The following GOLPH3L variants were observed in gnomAD, a reference collection of about 807,000 sequenced individuals.
The protein encoded by GOLPH3L is golgi phosphoprotein 3 like, also known as Golgi phosphoprotein 3-like.
In GOLPH3L, 22 loss-of-function variants were observed where a neutral mutation model predicts 30.3. The observed-to-expected ratio is 0.73, with a 90% confidence interval of 0.52 to 1.04. The LOEUF is 1.04. Among genes scored for constraint, GOLPH3L ranks in the 50% least tolerant of loss-of-function variants. The probability of loss-of-function intolerance (pLI) is 0.00; values close to 1 mark genes in which losing one functional copy is unlikely to be tolerated. For missense variants in GOLPH3L, 303 were observed against 345.8 expected (o/e 0.88, Z 0.98); for synonymous variants, 120 against 128.2 (o/e 0.94, Z 0.43).
At chr1:150,684,602 T>A (rs1288605531) in intron 2 of GOLPH3L, among the ~76,000 whole-genome samples, 2 of 152,232 alleles carry the variant, frequency 1.3e-5, no homozygotes, top group Non-Finnish European at 2.9e-5. Flanking sequence ...GGTTCTAATC[T>A]ATAGCTGAAG....
chr1:150,649,235 A>C (rs1000248515), intron 4 of GOLPH3L, among the ~76,000 whole-genome samples: 14 of 152,354 alleles, frequency 9.2e-5, no homozygotes, highest in Non-Finnish European at 1.8e-4. Context: ...ATTCTGCAAC[A>C]GAAAAGGCAA....
At chr1:150,692,150 G>A (rs1418448909) in intron 2 of GOLPH3L, among the ~76,000 whole-genome samples, 1 of 151,828 alleles carries the variant, frequency 6.6e-6, no homozygotes, top group African/African-American at 2.4e-5. Flanking sequence ...GATAGTTTGA[G>A]AGATAAGAAA....
intron 2 of GOLPH3L, among the ~76,000 whole-genome samples, chr1:150,680,656 T>C (rs1650928191): frequency 1.3e-5 from 2 of 152,194 alleles, no homozygotes; most frequent in South Asian, 4.1e-4. Context: ...TTTGAAAGTT[T>C]AAGGCTATCC....
At chr1:150,683,278 T>C (rs1651002145) in intron 2 of GOLPH3L, among the ~76,000 whole-genome samples, 1 of 152,062 alleles carries the variant, frequency 6.6e-6, no homozygotes, top group South Asian at 2.1e-4. Flanking sequence ...GGCTCACGCC[T>C]GTAATCCCAG....
At chr1:150,682,714 T>C (rs952433023) in intron 2 of GOLPH3L, among the ~76,000 whole-genome samples, 2 of 149,404 alleles carry the variant, frequency 1.3e-5, no homozygotes, top group African/African-American at 4.9e-5. Flanking sequence ...TTTTAAAGTA[T>C]CAAAAAGTAA....
intron 3 of GOLPH3L, among the ~76,000 whole-genome samples, chr1:150,663,160 G>A (rs1273812859): frequency 2.6e-5 from 4 of 151,496 alleles, no homozygotes; most frequent in African/African-American, 2.4e-5. Flanking sequence ...TCAGCCTCCC[G>A]AGTAGCTGTG....
At chr1:150,648,830 G>A in intron 4 of GOLPH3L, 82 bp from the exon 5 acceptor site, 1 of 819,526 alleles carries the variant, frequency 1.2e-6, no homozygotes, top group Admixed American at 2.2e-5. Context: ...AACTTGAATG[G>A]CTAAAATGTT....
chr1:150,665,771 C>T (rs587729535), intron 2 of GOLPH3L, among the ~76,000 whole-genome samples: 3 of 152,054 alleles, frequency 2.0e-5, no homozygotes, highest in South Asian at 2.1e-4. Context: ...CTTTGCTCAC[C>T]GTTCCTTCCT....
chr1:150,687,743 A>C (rs1479396865), intron 2 of GOLPH3L, among the ~76,000 whole-genome samples: 1 of 152,174 alleles, frequency 6.6e-6, no homozygotes, highest in African/African-American at 2.4e-5. Context: ...TTAAAAATAC[A>C]TATGAATTTC....
intron 1 of GOLPH3L, among the ~76,000 whole-genome samples, chr1:150,695,539 A>G (rs1557792143): frequency 1.3e-5 from 2 of 152,212 alleles, no homozygotes; most frequent in Admixed American, 6.5e-5. Context: ...AAGATGGAAC[A>G]ACAAAAAATT....
chr1:150,649,213 C>T (rs1557778560), intron 4 of GOLPH3L, among the ~76,000 whole-genome samples: 1 of 152,274 alleles, frequency 6.6e-6, no homozygotes, highest in East Asian at 1.9e-4. Flanking sequence ...CCAGCTTGTT[C>T]GTAGATTAGA....
chr1:150,696,493 C>G (rs1237749787), intron 1 of GOLPH3L, among the ~76,000 whole-genome samples: 1 of 152,130 alleles, frequency 6.6e-6, no homozygotes, highest in Non-Finnish European at 1.5e-5. Context: ...TATATATTCT[C>G]CATAGCAACT....
rs587600381 is a variant in GOLPH3L at position 150,648,121 on chromosome 1, G to A, written c.*200C>T. On this transcript the variant is annotated 3_prime_UTR_variant, in exon 5 of 5. Coordinates refer to ENST00000271732, the MANE Select transcript of GOLPH3L (RefSeq NM_018178.6). ...CACCCAGTTTATTTACCTATGGAGT[G>A]GAAGTGTAGGGAGAAATAAGGTCTG... is the stretch of plus-strand genomic sequence containing the variant. 4.5e-4 allele frequency: 224 copies of A among 496,382 alleles called. No homozygotes were observed. Among genetic ancestry groups the A allele is most frequent in the African/African-American group, 3.6e-3 (188 of 52,312 alleles). The allele number at this position is 496,382 out of a possible 1,614,324, so 30.7% of individuals were successfully genotyped here.
chr1:150,669,270 C>T (rs587719191), intron 2 of GOLPH3L, among the ~76,000 whole-genome samples: 15 of 152,120 alleles, frequency 9.9e-5, no homozygotes, highest in African/African-American at 3.6e-4. Flanking sequence ...ACTGTGGGTA[C>T]ATATGACCAA....
chr1:150,666,939 C>G (rs1650521764), intron 2 of GOLPH3L, among the ~76,000 whole-genome samples: 1 of 152,078 alleles, frequency 6.6e-6, no homozygotes, highest in East Asian at 1.9e-4. Context: ...TTAAGAGGTT[C>G]ACGTTTAACG....
chr1:150,683,699 CAAAAAA>C (rs397981524), intron 2 of GOLPH3L, among the ~76,000 whole-genome samples: 2 of 14,956 alleles, frequency 1.3e-4, no homozygotes, highest in African/African-American at 4.1e-4. Flanking sequence ...GACTCTCTCT[CAAAAAA>C]AAAAAAAAAA....
chr1:150,676,064 C>T (rs1263801523), intron 2 of GOLPH3L, among the ~76,000 whole-genome samples: 1 of 151,198 alleles, frequency 6.6e-6, no homozygotes, highest in Non-Finnish European at 1.5e-5. Context: ...GCCCCAACCT[C>T]CTAGACTCAA....
chr1:150,655,322 G>C (rs1326618804), intron 4 of GOLPH3L, among the ~76,000 whole-genome samples: 1 of 152,122 alleles, frequency 6.6e-6, no homozygotes, highest in Non-Finnish European at 1.5e-5. Context: ...ATTGTGAAGG[G>C]CCCAATGGAC....
chr1:150,652,945 TAA>T (rs1000630421), intron 4 of GOLPH3L, among the ~76,000 whole-genome samples: 14 of 152,154 alleles, frequency 9.2e-5, no homozygotes, highest in Admixed American at 3.9e-4. Flanking sequence ...TCTTCTTTAA[TAA>T]TTACAACAAT....
Sources: allele counts gnomAD v4.1 joint callset (sites outside exome capture counted in the v4.1 genomes callset), GRCh38; gene constraint gnomAD v4.1.1; transcripts MANE v1.5; gene names NCBI Gene and HGNC (gene_info 2026-07-23, HGNC 2026-07-21).